The following POPDC2 variants were observed in gnomAD, a reference collection of about 807,000 sequenced individuals.
POPDC2 encodes popeye domain cAMP effector 2.
POPDC2 carries 24 observed loss-of-function variants against 30.5 expected under a neutral mutation model. The observed-to-expected ratio is 0.79, with a 90% CI of 0.57 to 1.11. The LOEUF is 1.11. POPDC2 is among the 50% of genes least tolerant of loss of function. The pLI is 0.00. For synonymous variants in POPDC2, 185 were observed against 183.3 expected (o/e 1.01, Z -0.07); for missense variants, 409 against 447.0 (o/e 0.91, Z 0.77).
intron 2 of POPDC2, among the ~76,000 whole-genome samples, chr3:119,650,035 C>T (rs1348457232): frequency 6.6e-6 from 1 of 152,210 alleles, no homozygotes; most frequent in African/African-American, 2.4e-5. Context: ...GAAAATAATA[C>T]AATCTGTCCA....
Position 119,647,305 on chromosome 3 carries a change from G to C in POPDC2, c.*43+814C>G, listed in dbSNP as rs192386249. 3.3e-3 allele frequency among the ~76,000 whole-genome samples: 509 copies of C among 151,984 alleles called. 5 individuals carry two copies. Among genetic ancestry groups the C allele is most frequent in the Non-Finnish European group, 5.6e-3 (382 of 67,988 alleles). On this transcript the variant is annotated intron_variant, in intron 3 of 3. Transcript: ENST00000493094. The stretch of plus-strand genomic sequence containing the variant: ...TACATCATGGTTGGGTGGAGTTACA[G>C]AGAAAAACATCACAGTATTATGAGG...
chr3:119,642,461 A>G lies in POPDC2; in HGVS notation c.*144T>C. ...GAGAGCTGCGCTGGCCACAGAGAAG[A>G]TAGTCCAATGATCCTTAAAGTTCAG... On this transcript the variant is annotated 3_prime_UTR_variant, in exon 4 of 4. Transcript: ENST00000493094. 6.3e-7 allele frequency: 1 copy of G among 1,577,500 alleles called. No individual in the cohort carries two copies. The highest frequency in any genetic ancestry group is 2.2e-5 in the East Asian group (1 of 44,658).
In POPDC2 at chr3:119,660,380, C is replaced by A. The variant is rs147587717; in HGVS notation, c.44G>T (p.Gly15Val). 256 of 1,613,914 alleles carry A rather than the reference C, an allele frequency of 1.6e-4. No individual in the cohort carries two copies. Among genetic ancestry groups the A allele is most frequent in the Non-Finnish European group, 1.6e-4 (185 of 1,179,960 alleles). ...CTGCTTCCACCTAATGCACGCTGAA[C>A]CCTGCAAGAGAAGCTGGCCCACTCT... The part of the protein sequence containing the change: ...SSRVGQLLLQ[G>V]SACIRWKQDV... Residue 15 changes from glycine (G) to valine (V), a missense_variant, in exon 1 of 4, where the codon GGT becomes GTT. Gly to Val is a moderately radical substitution (Grantham distance 109, BLOSUM62 -3). Coordinates refer to ENST00000493094, the MANE Select transcript of POPDC2 (RefSeq NM_001369919.2).
intron 3 of POPDC2, chr3:119,643,504 A>C (rs2052713045): frequency 8.5e-6 from 10 of 1,173,942 alleles, no homozygotes; most frequent in Non-Finnish European, 1.1e-5. Context: ...TTGTACATAC[A>C]ACAGAATCTT....
intron 3 of POPDC2, among the ~76,000 whole-genome samples, chr3:119,645,936 TG>T (rs1047910967): frequency 2.6e-5 from 4 of 152,210 alleles, no homozygotes; most frequent in African/African-American, 7.2e-5. Flanking sequence ...TAGTGAGGTA[TG>T]GTTTGCAAAA....
chr3:119,655,115 T>G (rs1240265905), intron 1 of POPDC2, among the ~76,000 whole-genome samples: 1 of 152,078 alleles, frequency 6.6e-6, no homozygotes, highest in Non-Finnish European at 1.5e-5. Context: ...TCACCTAAGG[T>G]CAGGAGTTCG....
At position 119,654,514 on chromosome 3, in the gene POPDC2, C is replaced by A. The variant is rs756060800; in HGVS notation, c.591G>T (p.Gly197=). The change falls in exon 2 of 4, where the codon GGG becomes GGT. Residue 197 remains glycine (G), a synonymous_variant. Coordinates refer to ENST00000493094, the MANE Select transcript of POPDC2 (RefSeq NM_001369919.2). ...CCAGGCTCCCTGTTACCTGGAACAC[C>A]CCCTCCTCAGAAGGCTGTAGTGATT... ...EWESLQPSEE[G]VFQVTLTAET... is the part of the protein sequence containing the mutation. The A allele has an allele frequency of 1.2e-6, 2 of 1,611,522 alleles. No homozygotes were observed. Among genetic ancestry groups the A allele is most frequent in the Middle Eastern group, 3.5e-4 (2 of 5,676 alleles).
At chr3:119,643,522 G>T (rs6783324) in intron 3 of POPDC2, 2 of 1,027,814 alleles carry the variant, frequency 1.9e-6, no homozygotes, top group Admixed American at 4.1e-5. Flanking sequence ...CTTAAAATAC[G>T]CTACACATTT....
chr3:119,654,655 G>A (rs779411980), intron 1 of POPDC2, 42 bp from the exon 2 acceptor site: 1 of 1,441,202 alleles, frequency 6.9e-7, no homozygotes, highest in Non-Finnish European at 9.8e-7. Context: ...AAAGGAAAAT[G>A]GCTCTCCAAG....
At chr3:119,654,427 G>A (rs2052853640) in intron 2 of POPDC2, 78 bp downstream of exon 2, 7 of 977,008 alleles carry the variant, frequency 7.2e-6, no homozygotes, top group Middle Eastern at 3.2e-4. Flanking sequence ...GATGTAAGAG[G>A]GGAAACATGG....
chr3:119,660,195 T>C lies in POPDC2; in HGVS notation c.229A>G (p.Ile77Val). The part of the protein sequence containing the change: ...WGWFSACGLD[I>V]VLWSFLLAVV... ...GCCAGCAGGAAGCTCCAAAGAACAA[T>C]GTCCAGGCCACAGGCACTGAACCAG... Residue 77 changes from isoleucine to valine, a missense_variant, in exon 1 of 4, where the codon ATT becomes GTT. Physicochemically the swap from Ile to Val is conservative, Grantham distance 29. Transcript: ENST00000493094. 3 of 1,614,108 alleles carry C rather than the reference T, an allele frequency of 1.9e-6. No individual in the cohort carries two copies. The highest frequency in any genetic ancestry group is 2.2e-5 in the South Asian group (2 of 91,078).
At chr3:119,649,124 G>T (rs2052782426) in intron 2 of POPDC2, among the ~76,000 whole-genome samples, 1 of 152,170 alleles carries the variant, frequency 6.6e-6, no homozygotes, top group African/African-American at 2.4e-5. Flanking sequence ...GACATAAAAA[G>T]AGTTGGAAAG....
chr3:119,649,246 T>C (rs523114), intron 2 of POPDC2, among the ~76,000 whole-genome samples: 142,641 of 152,146 alleles, frequency 0.94, 67,581 homozygotes, highest in East Asian at 1. Flanking sequence ...AACTTGGCCA[T>C]TTCAAGTAAC....
intron 2 of POPDC2, among the ~76,000 whole-genome samples, chr3:119,649,781 T>C (rs1314424737): frequency 3.9e-5 from 6 of 152,198 alleles, no homozygotes; most frequent in Admixed American, 6.5e-5. Flanking sequence ...TTTTCATTCC[T>C]GTATTGCCTA....
intron 3 of POPDC2, among the ~76,000 whole-genome samples, chr3:119,645,207 G>C (rs1317934564): frequency 6.6e-6 from 1 of 152,200 alleles, no homozygotes; most frequent in East Asian, 1.9e-4. Flanking sequence ...CATTTCATAC[G>C]ATAGTATGTA....
chr3:119,660,647 T>TCC (rs1292272904), upstream of POPDC2: 231 of 189,700 alleles, frequency 1.2e-3, no homozygotes, highest in East Asian at 0.018. Context: ...TCTCTCTCTC[T>TCC]CCCCCTCTCC....
intron 2 of POPDC2, among the ~76,000 whole-genome samples, chr3:119,652,961 C>T (rs1031627753): frequency 1.3e-5 from 2 of 152,156 alleles, no homozygotes; most frequent in Admixed American, 6.5e-5. Flanking sequence ...GTAGGAGACA[C>T]ATGGAATCCA....
At chr3:119,643,044 C>T (rs2052708410) in intron 3 of POPDC2, among the ~76,000 whole-genome samples, 1 of 152,228 alleles carries the variant, frequency 6.6e-6, no homozygotes, top group Non-Finnish European at 1.5e-5. Context: ...CTGCCTCTAA[C>T]TTACCTGACC....
intron 2 of POPDC2, among the ~76,000 whole-genome samples, chr3:119,649,463 T>TA (rs1339491548): frequency 2.0e-5 from 3 of 152,314 alleles, no homozygotes; most frequent in Non-Finnish European, 4.4e-5. Flanking sequence ...AGGTGTTTGA[T>TA]AAATCCTTGT....
Sources: gnomAD v4.1 joint callset for allele counts (sites outside exome capture counted in the v4.1 genomes callset) on GRCh38, gnomAD v4.1.1 for gene constraint, MANE v1.5 for transcripts, NCBI Gene and HGNC (gene_info 2026-07-23, HGNC 2026-07-21) for gene names.